The following MFSD2B variants were observed in gnomAD, a reference collection of about 807,000 sequenced individuals.
The protein encoded by MFSD2B is MFSD2 lysolipid transporter B, sphingolipid, also known as sphingosine-1-phosphate transporter MFSD2B.
In MFSD2B, 56 loss-of-function variants were observed where a neutral mutation model predicts 58.4. The ratio of observed to expected loss-of-function variants is 0.96; its 90% CI spans 0.77 to 1.20. The LOEUF (loss-of-function observed/expected upper bound fraction) is 1.20, where lower values mean the gene tolerates loss of function less well. MFSD2B is among the 50% of genes most tolerant of loss of function. The pLI is 0.00. For missense variants in MFSD2B, 645 were observed against 667.6 expected, an observed-to-expected ratio of 0.97 and a Z score of 0.37; for synonymous variants, 287 against 294.4, an observed-to-expected ratio of 0.97 and a Z score of 0.26.
intron 6 of MFSD2B, among the ~76,000 whole-genome samples, chr2:24,019,731 G>GA (rs763095704): frequency 2.6e-5 from 4 of 152,098 alleles, no homozygotes; most frequent in Non-Finnish European, 5.9e-5. Flanking sequence ...TCTGCAAAAT[G>GA]AAAATGAAGG....
Position 24,023,052 on chromosome 2 carries a change from G to T in MFSD2B, c.1060-78G>T. The T allele has an allele frequency of 2.9e-6, 4 of 1,376,828 alleles. No individual in the cohort carries two copies. Among genetic ancestry groups the T allele is most frequent in the Non-Finnish European group, 4.1e-6 (4 of 971,654 alleles). The allele number at this position is 1,376,828 out of a possible 1,614,324, so 85.3% of individuals were successfully genotyped here. A position where few individuals can be genotyped will look rare whatever the true frequency, so the allele number is the denominator to read the frequency against. ...TAGCACAGGGCAAGGCATGGGGGTCGTCAGTCGAGTCGTGTGTGAAGGAGC... is the reference window on the plus strand; with the variant it reads ...TAGCACAGGGCAAGGCATGGGGGTCTTCAGTCGAGTCGTGTGTGAAGGAGC... On this transcript the variant is annotated intron_variant, in intron 10 of 13. Transcript: ENST00000338315. The surrounding 1 kb of genome is among the most constrained non-coding windows in gnomAD (Gnocchi z 5.0).
chr2:24,022,837 A>G lies in MFSD2B; in HGVS notation c.994A>G (p.Ser332Gly). Reference sequence around the variant, plus strand: ...CTGCTCACAGGTCTCAGCCGTGCTGAGCACCCCGCTGTGGGAGTGGGTTCT... The same window carrying G: ...CTGCTCACAGGTCTCAGCCGTGCTGGGCACCCCGCTGTGGGAGTGGGTTCT... Reference protein sequence around the residue: ...VLTVLVSAVLSTPLWEWVLQR... With the variant: ...VLTVLVSAVLGTPLWEWVLQR... Residue 332 changes from serine (S) to glycine (G), a missense_variant, in exon 10 of 14, where the codon AGC (serine) becomes GGC (glycine). Coordinates refer to ENST00000338315, the MANE Select transcript of MFSD2B (RefSeq NM_001346880.2). The surrounding 1 kb of genome is among the most constrained non-coding windows in gnomAD (Gnocchi z 4.5). 2 of 1,605,202 alleles carry G rather than the reference A, an allele frequency of 1.2e-6. No homozygotes were observed. Among genetic ancestry groups the G allele is most frequent in the Non-Finnish European group, 1.7e-6 (2 of 1,176,220 alleles).
chr2:24,011,963 A>G (rs546774275), intron 1 of MFSD2B, among the ~76,000 whole-genome samples: 12 of 152,286 alleles, frequency 7.9e-5, no homozygotes, highest in Admixed American at 2.0e-4. Flanking sequence ...CTGAGGCAGC[A>G]ACAGACTTGA....
chr2:24,023,252 T>TG lies in MFSD2B; in HGVS notation c.1169+18dup, dbSNP rs1490130396. Reference sequence around the variant, plus strand: ...TGCTGCTACCCTGGTAGGCTGGGTGTGGGGGCCTCACGTGTGTCCACAGTG... The same window carrying TG: ...TGCTGCTACCCTGGTAGGCTGGGTGTGGGGGGCCTCACGTGTGTCCACAGTG... On this transcript the variant is annotated intron_variant, in intron 11 of 13. Transcript: ENST00000338315. This position sits in a 1 kb window ranked among gnomAD's most constrained non-coding sequence, Gnocchi z 5.0. 6.2e-7 allele frequency: 1 copy of TG among 1,603,700 alleles called. No homozygotes were observed. The highest frequency in any genetic ancestry group is 1.3e-5 in the African/African-American group (1 of 74,772).
At chr2:24,019,786 C>CT (rs1662697197) in intron 6 of MFSD2B, among the ~76,000 whole-genome samples, 1 of 152,208 alleles carries the variant, frequency 6.6e-6, no homozygotes, top group Non-Finnish European at 1.5e-5. Flanking sequence ...CCTACTGCCC[C>CT]AGCCAGGGGA....
rs756357135 is a variant in MFSD2B at position 24,022,835 on chromosome 2, T to C, written c.992T>C (p.Leu331Pro). ...LVLTVLVSAVLSTPLWEWVLQ... is the reference protein window; with the variant it reads ...LVLTVLVSAVPSTPLWEWVLQ... ...GTCTGCTCACAGGTCTCAGCCGTGC[T>C]GAGCACCCCGCTGTGGGAGTGGGTT... The change falls in exon 10 of 14, where the codon CTG becomes CCG. Residue 331 changes from leucine (L) to proline (P), a missense_variant. Coordinates refer to ENST00000338315, the MANE Select transcript of MFSD2B (RefSeq NM_001346880.2). This position sits in a 1 kb window ranked among gnomAD's most constrained non-coding sequence, Gnocchi z 4.5. 1 of 1,603,968 alleles carries C rather than the reference T, an allele frequency of 6.2e-7. No individual in the cohort carries two copies.
rs1662746276 is a variant in MFSD2B at position 24,020,732 on chromosome 2, T to A, written c.682-916T>A. On this transcript the variant is annotated intron_variant, in intron 6 of 13. Coordinates refer to ENST00000338315, the MANE Select transcript of MFSD2B (RefSeq NM_001346880.2). This position sits in a 1 kb window ranked among gnomAD's most constrained non-coding sequence, Gnocchi z 4.1. ...ATGCACACCACCACACCTGGCTAAT[T>A]TTTGTATTTTCTTTGGTAGATATGG... 1.3e-5 allele frequency among the ~76,000 whole-genome samples: 2 copies of A among 151,782 alleles called. No homozygotes were observed. Among genetic ancestry groups the A allele is most frequent in the Admixed American group, 1.3e-4 (2 of 15,240 alleles).
Position 24,021,745 on chromosome 2 carries a change from G to A in MFSD2B, c.772+7G>A, listed in dbSNP as rs566363217. On this transcript the variant is annotated splice_region_variant and intron_variant, in intron 7 of 13. Transcript: ENST00000338315. This position sits in a 1 kb window ranked among gnomAD's most constrained non-coding sequence, Gnocchi z 5.7. ...GGGGTGAAGGAGCGGCCAGGTATGGGGTTTGGTGAGGAGGGAAGCAGAAGC... is the reference window on the plus strand; with the variant it reads ...GGGGTGAAGGAGCGGCCAGGTATGGAGTTTGGTGAGGAGGGAAGCAGAAGC... 1.2e-4 allele frequency: 198 copies of A among 1,613,206 alleles called. No homozygotes were observed. The South Asian group carries it at 2.0e-3, about 17-fold the overall frequency.
chr2:24,010,211 A>C lies in MFSD2B; in HGVS notation c.96+19A>C. 1 of 1,370,608 alleles carries C rather than the reference A, an allele frequency of 7.3e-7. No individual in the cohort carries two copies. The highest frequency in any genetic ancestry group is 9.4e-7 in the Non-Finnish European group (1 of 1,066,140). The allele number at this position is 1,370,608 out of a possible 1,614,324, so 84.9% of individuals were successfully genotyped here. A position where few individuals can be genotyped will look rare whatever the true frequency, so the allele number is the denominator to read the frequency against. On this transcript the variant is annotated intron_variant, in intron 1 of 13. Transcript: ENST00000338315. Reference sequence around the variant, plus strand: ...GCGAGAGGTGAGCGGGGCGGCGGGGACCGGGAAGGGGCTGCGTCCTCGGGG... The same window carrying C: ...GCGAGAGGTGAGCGGGGCGGCGGGGCCCGGGAAGGGGCTGCGTCCTCGGGG...
In MFSD2B at chr2:24,012,164, A is replaced by G. The variant is rs1708977266; in HGVS notation, c.97-1121A>G. Among the ~76,000 whole-genome samples the G allele has an allele frequency of 1.5e-5, 1 of 68,386 alleles. No individual in the cohort carries two copies. Among genetic ancestry groups the G allele is most frequent in the African/African-American group, 4.0e-5 (1 of 25,292 alleles). The allele number at this position is 68,386 out of a possible 152,430, so 44.9% of individuals were successfully genotyped here. A position where few individuals can be genotyped will look rare whatever the true frequency, so the allele number is the denominator to read the frequency against. The stretch of plus-strand genomic sequence containing the variant: ...ACAAACAAACAAAACACACACACAC[A>G]CACACACACACACACAAAAACAGAC... On this transcript the variant is annotated intron_variant, in intron 1 of 13. Coordinates refer to ENST00000338315, the MANE Select transcript of MFSD2B (RefSeq NM_001346880.2). The surrounding 1 kb of genome is among the most constrained non-coding windows in gnomAD (Gnocchi z 4.5).
Position 24,017,137 on chromosome 2 carries a change from C to T in MFSD2B, c.472-149C>T, listed in dbSNP as rs1223222899. ...CGCGGGACTGGCTGCCCCCTCCTGC[C>T]TTTGGGACCCTAGCTCCGACTTCAG... On this transcript the variant is annotated intron_variant, in intron 4 of 13. Coordinates refer to ENST00000338315, the MANE Select transcript of MFSD2B (RefSeq NM_001346880.2). This position sits in a 1 kb window ranked among gnomAD's most constrained non-coding sequence, Gnocchi z 4.8. 2 of 1,268,524 alleles carry T rather than the reference C, an allele frequency of 1.6e-6. No individual in the cohort carries two copies. Among genetic ancestry groups the T allele is most frequent in the Non-Finnish European group, 2.2e-6 (2 of 919,126 alleles). The allele number at this position is 1,268,524 out of a possible 1,614,324, so 78.6% of individuals were successfully genotyped here.
In MFSD2B at chr2:24,025,531, C is replaced by T; in HGVS notation, c.*75C>T. 1 of 1,339,672 alleles carries T rather than the reference C, an allele frequency of 7.5e-7. No homozygotes were observed. Among genetic ancestry groups the T allele is most frequent in the Non-Finnish European group, 1.0e-6 (1 of 968,046 alleles). 83.0% of individuals were successfully genotyped at this position (1,339,672 alleles called of 1,614,324 possible). A position where few individuals can be genotyped will look rare whatever the true frequency, so the allele number is the denominator to read the frequency against. Reference sequence around the variant, plus strand: ...CCTGACATCGCCCTCCTCAGCCCTCCAGCACCTGGTCTGGCAGTTTAGTAT... The same window carrying T: ...CCTGACATCGCCCTCCTCAGCCCTCTAGCACCTGGTCTGGCAGTTTAGTAT... On this transcript the variant is annotated 3_prime_UTR_variant, in exon 14 of 14. Coordinates refer to ENST00000338315, the MANE Select transcript of MFSD2B (RefSeq NM_001346880.2).
chr2:24,016,298 C>G lies in MFSD2B; in HGVS notation c.347+18C>G. ...ATGCCTTGGTGAGCAACCGCTCAGT[C>G]CTTAGGATCCAGGCACCTGGTCCTG... On this transcript the variant is annotated intron_variant, in intron 3 of 13. Coordinates refer to ENST00000338315, the MANE Select transcript of MFSD2B (RefSeq NM_001346880.2). 1 of 1,608,894 alleles carries G rather than the reference C, an allele frequency of 6.2e-7. No homozygotes were observed. The highest frequency in any genetic ancestry group is 1.7e-5 in the Admixed American group (1 of 59,402).
At position 24,020,037 on chromosome 2, in the gene MFSD2B, T is replaced by A. The variant is rs936367160; in HGVS notation, c.682-1611T>A. ...GCTACCTGGCCCTGTTCTGTACACA[T>A]GCCTCCCAGCTACACGACCACGTCC... On this transcript the variant is annotated intron_variant, in intron 6 of 13. Transcript: ENST00000338315. This position sits in a 1 kb window ranked among gnomAD's most constrained non-coding sequence, Gnocchi z 4.1. 1.3e-5 allele frequency among the ~76,000 whole-genome samples: 2 copies of A among 152,194 alleles called. No homozygotes were observed. The highest frequency in any genetic ancestry group is 4.8e-5 in the African/African-American group (2 of 41,446).
chr2:24,015,568 T>G (rs1709112197), intron 2 of MFSD2B, among the ~76,000 whole-genome samples: 1 of 152,254 alleles, frequency 6.6e-6, no homozygotes, highest in South Asian at 2.1e-4. Context: ...AAGAAGCCTA[T>G]GAAAGGCTGA....
Position 24,025,561 on chromosome 2 carries a change from C to A in MFSD2B, c.*105C>A. Reference sequence around the variant, plus strand: ...CCTGGTCTGGCAGTTTAGTATGTGACCTTTCTCCCTGGGATGTGGAGTCTT... The same window carrying A: ...CCTGGTCTGGCAGTTTAGTATGTGAACTTTCTCCCTGGGATGTGGAGTCTT... On this transcript the variant is annotated 3_prime_UTR_variant, in exon 14 of 14. Transcript: ENST00000338315. 1 of 1,047,930 alleles carries A rather than the reference C, an allele frequency of 9.5e-7. No individual in the cohort carries two copies. The highest frequency in any genetic ancestry group is 1.6e-5 in the African/African-American group (1 of 63,644). The allele number at this position is 1,047,930 out of a possible 1,614,324, so 64.9% of individuals were successfully genotyped here.
Position 24,023,562 on chromosome 2 carries a change from A to C in MFSD2B, c.1170-21A>C, listed in dbSNP as rs917076227. 1.2e-6 allele frequency: 2 copies of C among 1,609,356 alleles called. No homozygotes were observed. The highest frequency in any genetic ancestry group is 8.5e-7 in the Non-Finnish European group (1 of 1,177,822). The stretch of plus-strand genomic sequence containing the variant: ...TGGTGGCCAAGGGGCTAGGAGGGCT[A>C]ACTCCACACCCCCGCCGCAGGTCCA... On this transcript the variant is annotated intron_variant, in intron 11 of 13. Transcript: ENST00000338315. This position sits in a 1 kb window ranked among gnomAD's most constrained non-coding sequence, Gnocchi z 5.0.
At chr2:24,019,248 A>G (rs1662658130) in intron 6 of MFSD2B, among the ~76,000 whole-genome samples, 1 of 152,154 alleles carries the variant, frequency 6.6e-6, no homozygotes, top group African/African-American at 2.4e-5. Context: ...CAACACCTGG[A>G]ACCTTGTTAG....
rs1662780235 is a variant in MFSD2B at position 24,021,450 on chromosome 2, G to A, written c.682-198G>A. ...TGCAGGGAACACAGGGTCAGCAGAGGGGGTGTGTGGAAGGACCAGCCCGGG... is the reference window on the plus strand; with the variant it reads ...TGCAGGGAACACAGGGTCAGCAGAGAGGGTGTGTGGAAGGACCAGCCCGGG... On this transcript the variant is annotated intron_variant, in intron 6 of 13. Coordinates refer to ENST00000338315, the MANE Select transcript of MFSD2B (RefSeq NM_001346880.2). The surrounding 1 kb of genome is among the most constrained non-coding windows in gnomAD (Gnocchi z 5.7). 6.6e-6 allele frequency among the ~76,000 whole-genome samples: 1 copy of A among 152,204 alleles called. No homozygotes were observed. Among genetic ancestry groups the A allele is most frequent in the Non-Finnish European group, 1.5e-5 (1 of 68,032 alleles).
Sources: allele counts gnomAD v4.1 joint callset (sites outside exome capture counted in the v4.1 genomes callset), GRCh38; gene constraint gnomAD v4.1.1; non-coding constraint Gnocchi (gnomAD v3.1); transcripts MANE v1.5; gene names NCBI Gene and HGNC (gene_info 2026-07-23, HGNC 2026-07-21).